KAT7: variants seen among roughly 807,000 people sequenced by gnomAD.
The protein encoded by KAT7 is histone acetyltransferase KAT7.
A neutral mutation model predicts 82.1 loss-of-function variants in KAT7; 10 were observed. The observed-to-expected ratio is 0.12, with a 90% CI of 0.08 to 0.21. The LOEUF (loss-of-function observed/expected upper bound fraction) is 0.21. Among genes scored for constraint, KAT7 ranks in the 10% least tolerant of loss-of-function variants. The pLI, the probability that KAT7 is intolerant of heterozygous loss-of-function variation, is 1.00. For missense variants in KAT7, 378 were observed against 760.9 expected (o/e 0.50, Z 5.92); for synonymous variants, 250 against 262.5 (o/e 0.95, Z 0.46).
chr17:49,805,852 C>G (rs867361300), intron 5 of KAT7, among the ~76,000 whole-genome samples: 1 of 152,106 alleles, frequency 6.6e-6, no homozygotes, highest in Non-Finnish European at 1.5e-5. Flanking sequence ...TTTTAAAAAC[C>G]TTTCATAATT....
In KAT7 at chr17:49,828,574, A is replaced by G. The variant is rs1425540679; in HGVS notation, c.*1072A>G. 1 of 152,320 alleles carries G rather than the reference A, an allele frequency of 6.6e-6. No individual in the cohort carries two copies. The highest frequency in any genetic ancestry group is 1.5e-5 in the Non-Finnish European group (1 of 67,980). The allele number at this position is 152,320 out of a possible 1,614,324, so 9.4% of individuals were successfully genotyped here. ...TTGCTTCTCTTTTCAACAGTGCCTC[A>G]CCCTCCCTCTAGGATTAAAGTGCTT... On this transcript the variant is annotated 3_prime_UTR_variant, in exon 15 of 15. Transcript: ENST00000259021.
At chr17:49,802,357 C>G (rs2074034922) in intron 4 of KAT7, among the ~76,000 whole-genome samples, 3 of 152,010 alleles carry the variant, frequency 2.0e-5, no homozygotes, top group Non-Finnish European at 4.4e-5. Flanking sequence ...AAAACATGCC[C>G]TGAATAAATT....
intron 1 of KAT7, among the ~76,000 whole-genome samples, chr17:49,790,164 G>A (rs778527352): frequency 9.9e-5 from 15 of 152,026 alleles, no homozygotes; most frequent in Non-Finnish European, 2.1e-4. Flanking sequence ...CTCCTAAAAT[G>A]ACCTCAGCTG....
At chr17:49,805,555 G>A (rs1004737077) in intron 5 of KAT7, 110 bp downstream of exon 5, 2 of 640,216 alleles carry the variant, frequency 3.1e-6, no homozygotes, top group African/African-American at 1.9e-5. Context: ...TAGGGTCCTT[G>A]TTCTTACATT....
intron 5 of KAT7, among the ~76,000 whole-genome samples, chr17:49,807,662 T>C (rs1248042754): frequency 6.6e-6 from 1 of 151,998 alleles, no homozygotes; most frequent in Non-Finnish European, 1.5e-5. Flanking sequence ...GGGGCAAGAG[T>C]TGATGCAGGG....
At position 49,820,243 on chromosome 17, in the gene KAT7, CA is replaced by C. The variant is rs539596857; in HGVS notation, c.1156-1083del. On this transcript the variant is annotated intron_variant, in intron 9 of 14. Transcript: ENST00000259021. ...TGGGTGACAGAGTGACACCCTATCT[CA>C]AAAAAAAAAACTTTTTTTTATACGT... Among the ~76,000 whole-genome samples the C allele has an allele frequency of 8.6e-3, 1,228 of 143,598 alleles. 7 individuals are homozygous for C. Among genetic ancestry groups the C allele is most frequent in the Non-Finnish European group, 0.014 (914 of 65,256 alleles). The allele number at this position is 143,598 out of a possible 152,430, so 94.2% of individuals were successfully genotyped here.
intron 13 of KAT7, 28 bp downstream of exon 13, chr17:49,826,174 G>T: frequency 6.2e-7 from 1 of 1,604,866 alleles, no homozygotes; most frequent in Non-Finnish European, 8.5e-7. Flanking sequence ...TGGAATGGTT[G>T]ATTGTTACCC....
chr17:49,829,105 C>T lies in KAT7; in HGVS notation c.*1603C>T, dbSNP rs1031196768. 11 of 152,598 alleles carry T rather than the reference C, an allele frequency of 7.2e-5. No individual in the cohort carries two copies. Among genetic ancestry groups the T allele is most frequent in the Admixed American group, 3.3e-4 (5 of 15,280 alleles). 9.5% of individuals were successfully genotyped at this position (152,598 alleles called of 1,614,324 possible). On this transcript the variant is annotated 3_prime_UTR_variant, in exon 15 of 15. Transcript: ENST00000259021. ...GCATGTTCTCTGCTCAAGTCTGTTT[C>T]ATCTGGGGGCTCTCATTTATATATG...
chr17:49,814,040 G>A (rs1194265953), intron 7 of KAT7, among the ~76,000 whole-genome samples: 4 of 151,784 alleles, frequency 2.6e-5, no homozygotes, highest in African/African-American at 4.8e-5. Context: ...AATAGGTGTG[G>A]GCCACCACAC....
At chr17:49,790,001 C>T (rs2073864672) in intron 1 of KAT7, 1 of 152,082 alleles carries the variant, frequency 6.6e-6, no homozygotes, top group African/African-American at 2.4e-5. Context: ...TAAGATTCCC[C>T]CTTCATTTCA....
chr17:49,819,892 T>G (rs1308603267), intron 9 of KAT7, among the ~76,000 whole-genome samples: 1 of 152,212 alleles, frequency 6.6e-6, no homozygotes, highest in Non-Finnish European at 1.5e-5. Context: ...ATATTTGGAT[T>G]TACATATGAC....
chr17:49,805,993 T>G (rs190616578), intron 5 of KAT7, among the ~76,000 whole-genome samples: 1 of 152,366 alleles, frequency 6.6e-6, no homozygotes, highest in East Asian at 1.9e-4. Flanking sequence ...TGAGATAATG[T>G]ATTTAAGTAG....
chr17:49,825,952 G>A, intron 12 of KAT7, 48 bp from the exon 13 acceptor site: 1 of 1,572,178 alleles, frequency 6.4e-7, no homozygotes, highest in Non-Finnish European at 8.7e-7. Context: ...TTGCTATTAG[G>A]ATAAGATCGA....
chr17:49,808,276 C>T (rs184112592), intron 5 of KAT7, among the ~76,000 whole-genome samples: 15 of 151,652 alleles, frequency 9.9e-5, no homozygotes, highest in African/African-American at 3.4e-4. Flanking sequence ...TGCGCCACCA[C>T]GCCTGGCTAG....
rs763097149 is a variant in KAT7 at position 49,833,476 on chromosome 17, ATT to A, written c.*5980_*5981del. The A allele has an allele frequency of 7.9e-5, 12 of 152,188 alleles. No homozygotes were observed. Among genetic ancestry groups the A allele is most frequent in the South Asian group, 6.2e-4 (3 of 4,822 alleles). The allele number at this position is 152,188 out of a possible 1,614,324, so 9.4% of individuals were successfully genotyped here. ...GCACGTGCTATTTCCAATAAGGTCT[ATT>A]TTTTTCTACAGTGAGGGCTGAACTT... On this transcript the variant is annotated 3_prime_UTR_variant, in exon 15 of 15. Transcript: ENST00000259021.
At chr17:49,794,497 G>A (rs1218156601) in intron 2 of KAT7, among the ~76,000 whole-genome samples, 1 of 152,140 alleles carries the variant, frequency 6.6e-6, no homozygotes, top group Admixed American at 6.5e-5. Flanking sequence ...TGTTGTCCAG[G>A]CTTGTCTTAA....
chr17:49,818,334 C>T (rs1188185694), intron 9 of KAT7, among the ~76,000 whole-genome samples: 1 of 152,140 alleles, frequency 6.6e-6, no homozygotes, highest in Non-Finnish European at 1.5e-5. Flanking sequence ...TTTTGTGTGT[C>T]CCAAACTAGA....
rs572121644 is a variant in KAT7 at position 49,808,762 on chromosome 17, T to C, written c.664-357T>C. ...GCACCACACCCAGCCCAAACCCAGG[T>C]TTTCTAATGTTTTCTTTGTACTTCC... On this transcript the variant is annotated intron_variant, in intron 5 of 14. Transcript: ENST00000259021. 2.0e-5 allele frequency among the ~76,000 whole-genome samples: 3 copies of C among 152,220 alleles called. No homozygotes were observed. The South Asian group carries it at 6.2e-4, about 32-fold the overall frequency.
At chr17:49,827,360 G>C (rs1426462672) in intron 14 of KAT7, 41 bp from the exon 15 acceptor site, 2 of 1,263,052 alleles carry the variant, frequency 1.6e-6, no homozygotes, top group Non-Finnish European at 2.3e-6. Context: ...AGGCACTTGA[G>C]TTGAAAGTAT....
Sources: gnomAD v4.1 joint callset for allele counts (sites outside exome capture counted in the v4.1 genomes callset) on GRCh38, gnomAD v4.1.1 for gene constraint, MANE v1.5 for transcripts, NCBI Gene and HGNC (gene_info 2026-07-23, HGNC 2026-07-21) for gene names.